Variants in SDK1 observed in about 807,000 individuals in gnomAD.
SDK1 encodes protein sidekick-1.
A neutral mutation model predicts 245.5 loss-of-function variants in SDK1; 157 were observed. The ratio of observed to expected loss-of-function variants is 0.64; its 90% CI spans 0.56 to 0.73. SDK1 has a LOEUF of 0.73. Among genes scored for constraint, SDK1 ranks in the 30% least tolerant of loss-of-function variants. The pLI, the probability that SDK1 is intolerant of heterozygous loss-of-function variation, is 0.00. For missense variants in SDK1, 3,583 were observed against 3,002.3 expected, an observed-to-expected ratio of 1.19 and a Z score of -4.52; for synonymous variants, 1,647 against 1,278.5, an observed-to-expected ratio of 1.29 and a Z score of -6.15.
At chr7:3,844,559 T>G (rs1175043007) in intron 5 of SDK1, among the ~76,000 whole-genome samples, 2 of 152,232 alleles carry the variant, frequency 1.3e-5, no homozygotes, top group African/African-American at 4.8e-5. Flanking sequence ...TGCCTGTAAT[T>G]TAATGTCTTT....
At chr7:3,365,297 T>C (rs1252396662) in intron 1 of SDK1, among the ~76,000 whole-genome samples, 1 of 152,198 alleles carries the variant, frequency 6.6e-6, no homozygotes, top group African/African-American at 2.4e-5. Flanking sequence ...TCTTGTGCTT[T>C]TCTAACACCT....
chr7:3,636,958 C>T (rs763895525), intron 2 of SDK1, among the ~76,000 whole-genome samples: 2 of 152,110 alleles, frequency 1.3e-5, no homozygotes, highest in South Asian at 4.1e-4. Flanking sequence ...TTTTCATATA[C>T]CTGTTGACCA....
intron 1 of SDK1, among the ~76,000 whole-genome samples, chr7:3,543,821 A>G (rs1481791173): frequency 6.6e-6 from 1 of 152,224 alleles, no homozygotes; most frequent in African/African-American, 2.4e-5. Context: ...TTTTCAGAGT[A>G]TGTAATGAAT....
intron 5 of SDK1, among the ~76,000 whole-genome samples, chr7:3,894,925 C>T (rs1203194809): frequency 6.6e-6 from 1 of 151,988 alleles, no homozygotes; most frequent in African/African-American, 2.4e-5. Context: ...AGGTGATCTG[C>T]CTGCTTTGGC....
At chr7:3,321,266 A>G (rs1779795855) in intron 1 of SDK1, among the ~76,000 whole-genome samples, 1 of 152,228 alleles carries the variant, frequency 6.6e-6, no homozygotes, top group Non-Finnish European at 1.5e-5. Context: ...ACAAGTTGGA[A>G]AATCCTCTTT....
intron 4 of SDK1, among the ~76,000 whole-genome samples, chr7:3,751,501 C>G (rs10085799): frequency 0.029 from 4,391 of 152,148 alleles, 220 homozygotes; most frequent in African/African-American, 0.1. Flanking sequence ...GGACAGCACT[C>G]TGGAGAGTGG....
chr7:3,842,728 G>C (rs1331772887), intron 5 of SDK1, among the ~76,000 whole-genome samples: 1 of 152,124 alleles, frequency 6.6e-6, no homozygotes, highest in Non-Finnish European at 1.5e-5. Flanking sequence ...CTGGCTAAGA[G>C]TGGGAGGGTT....
At chr7:3,480,618 C>G (rs1209014465) in intron 1 of SDK1, among the ~76,000 whole-genome samples, 1 of 152,182 alleles carries the variant, frequency 6.6e-6, no homozygotes, top group Admixed American at 6.5e-5. Context: ...TCATTTTTTC[C>G]TTTTAAAAGC....
intron 5 of SDK1, among the ~76,000 whole-genome samples, chr7:3,845,360 C>T (rs950391931): frequency 1.3e-5 from 2 of 151,830 alleles, no homozygotes; most frequent in African/African-American, 2.4e-5. Context: ...CGTGGTGGTG[C>T]ATGCCTGTAA....
chr7:3,992,865 C>T (rs1324798772), intron 14 of SDK1, among the ~76,000 whole-genome samples: 1 of 152,098 alleles, frequency 6.6e-6, no homozygotes, highest in Non-Finnish European at 1.5e-5. Flanking sequence ...AATTTCTTTT[C>T]CAAAGAAATG....
chr7:3,807,759 G>T (rs1779287303), intron 4 of SDK1, among the ~76,000 whole-genome samples: 1 of 152,176 alleles, frequency 6.6e-6, no homozygotes, highest in Admixed American at 6.5e-5. Flanking sequence ...ATGGGCACAG[G>T]CTGGGAGGCT....
chr7:4,107,873 C>A (rs1038318612), intron 22 of SDK1, among the ~76,000 whole-genome samples: 1 of 152,180 alleles, frequency 6.6e-6, no homozygotes, highest in Non-Finnish European at 1.5e-5. Flanking sequence ...GTGTCGTGAG[C>A]TGTGCCGATG....
intron 4 of SDK1, among the ~76,000 whole-genome samples, chr7:3,722,211 C>T (rs769506442): frequency 6.6e-6 from 1 of 152,014 alleles, no homozygotes; most frequent in Admixed American, 6.6e-5. Context: ...AAGATTGGCC[C>T]ATAAAGAATA....
At chr7:4,171,627 C>T (rs560244405) in intron 32 of SDK1, among the ~76,000 whole-genome samples, 5 of 152,304 alleles carry the variant, frequency 3.3e-5, no homozygotes, top group East Asian at 3.9e-4. Context: ...GGAGCAGAGC[C>T]GGCACCAAGG....
intron 31 of SDK1, among the ~76,000 whole-genome samples, chr7:4,161,477 G>A (rs1055343883): frequency 2.0e-5 from 3 of 152,090 alleles, no homozygotes; most frequent in African/African-American, 7.2e-5. Flanking sequence ...CTGCAGGGAG[G>A]GTCTCGAGCC....
intron 1 of SDK1, among the ~76,000 whole-genome samples, chr7:3,367,866 G>A (rs73050508): frequency 0.032 from 4,927 of 152,246 alleles, 139 homozygotes; most frequent in African/African-American, 0.062. Context: ...CAAAATTGCA[G>A]TTTAAAATGA....
At chr7:4,174,897 T>C (rs559933551) in intron 33 of SDK1, among the ~76,000 whole-genome samples, 1 of 152,238 alleles carries the variant, frequency 6.6e-6, no homozygotes, top group East Asian at 1.9e-4. Context: ...TTCCCACCCC[T>C]CCTCTGTTGG....
chr7:3,402,191 C>T (rs1778907224), intron 1 of SDK1, among the ~76,000 whole-genome samples: 1 of 152,094 alleles, frequency 6.6e-6, no homozygotes, highest in Non-Finnish European at 1.5e-5. Flanking sequence ...ATCCTGCACT[C>T]AGTAGGATAT....
chr7:3,796,832 A>G (rs1778972460), intron 4 of SDK1, among the ~76,000 whole-genome samples: 8 of 152,184 alleles, frequency 5.3e-5, no homozygotes, highest in Admixed American at 5.2e-4. Context: ...TGTTTTTTAA[A>G]GAGACTAAAG....
Sources: gnomAD v4.1 joint callset for allele counts (sites outside exome capture counted in the v4.1 genomes callset) on GRCh38, gnomAD v4.1.1 for gene constraint, MANE v1.5 for transcripts, NCBI Gene and HGNC (gene_info 2026-07-23, HGNC 2026-07-21) for gene names.